SHC2: variants seen among roughly 807,000 people sequenced by gnomAD.
SHC2 encodes SHC-transforming protein 2.
Under a neutral mutation model 60.6 loss-of-function variants are expected in SHC2, and 62 were observed. The observed-to-expected ratio is 1.02, with a 90% CI of 0.83 to 1.26. The LOEUF is 1.26. Among genes scored for constraint, SHC2 ranks in the 50% most tolerant of loss-of-function variants. The pLI is 0.00. For missense variants in SHC2, 873 were observed against 822.2 expected (o/e 1.06, Z -0.76); for synonymous variants, 375 against 372.4 (o/e 1.01, Z -0.08).
intron 1 of SHC2, among the ~76,000 whole-genome samples, chr19:454,227 G>A (rs1342321045): frequency 1.3e-5 from 2 of 152,308 alleles, no homozygotes; most frequent in Middle Eastern, 3.4e-3. Flanking sequence ...TGTGACTCAC[G>A]GCAGCCACAC....
intron 1 of SHC2, among the ~76,000 whole-genome samples, chr19:457,830 C>T (rs571863684): frequency 2.6e-5 from 4 of 152,372 alleles, no homozygotes; most frequent in East Asian, 1.9e-4. Context: ...ACACGCCGGC[C>T]GTCGGCGTTA....
At chr19:426,279 T>C (rs1033472783) in intron 9 of SHC2, among the ~76,000 whole-genome samples, 1 of 152,100 alleles carries the variant, frequency 6.6e-6, no homozygotes, top group Non-Finnish European at 1.5e-5. Flanking sequence ...GGGGCACAGA[T>C]TCTCTCAGCT....
At chr19:430,547 T>G in intron 9 of SHC2, 137 bp downstream of exon 9, 1 of 661,682 alleles carries the variant, frequency 1.5e-6, no homozygotes, top group Admixed American at 3.0e-5. Flanking sequence ...CTCAGCAGAG[T>G]GTTAGGAGCA....
chr19:445,639 G>A lies in SHC2; in HGVS notation c.469-4707C>T, dbSNP rs567503583. On this transcript the variant is annotated intron_variant, in intron 1 of 12. Coordinates refer to ENST00000264554, the MANE Select transcript of SHC2 (RefSeq NM_012435.3). The surrounding 1 kb of genome is among the most constrained non-coding windows in gnomAD (Gnocchi z 4.4). ...TGTGGTCCCAGCTACTCAGGAGGCT[G>A]AGGTGGGAGGATGGCTTGAGCCCAG... Among the ~76,000 whole-genome samples the A allele has an allele frequency of 3.9e-5, 6 of 152,320 alleles. No homozygotes were observed. The East Asian group carries it at 5.8e-4, about 15-fold the overall frequency.
At chr19:443,302 GTGGATGAGTGGATGGGTGGA>G (rs1974954299) in intron 1 of SHC2, among the ~76,000 whole-genome samples, 1 of 140,184 alleles carries the variant, frequency 7.1e-6, no homozygotes, top group Non-Finnish European at 1.5e-5. Context: ...GGATGGGTGG[GTGGATGAGTGGATGGGTGGA>G]TGGATGGATG....
intron 1 of SHC2, among the ~76,000 whole-genome samples, chr19:450,131 G>A (rs1178898419): frequency 6.6e-6 from 1 of 152,148 alleles, no homozygotes; most frequent in African/African-American, 2.4e-5. Flanking sequence ...GAAATGTGGG[G>A]CCCTGTTGGC....
chr19:444,738 G>A (rs754309527), intron 1 of SHC2, among the ~76,000 whole-genome samples: 4 of 151,532 alleles, frequency 2.6e-5, no homozygotes, highest in Non-Finnish European at 5.9e-5. Context: ...CTGCGGACAC[G>A]CTGTGCACAG....
chr19:448,408 G>T (rs142032421), intron 1 of SHC2, among the ~76,000 whole-genome samples: 140 of 152,244 alleles, frequency 9.2e-4, no homozygotes, highest in African/African-American at 3.1e-3. Flanking sequence ...GCTTGTGGCC[G>T]TGTTACTCCA....
At chr19:427,592 A>G (rs543795784) in intron 9 of SHC2, among the ~76,000 whole-genome samples, 36 of 116,538 alleles carry the variant, frequency 3.1e-4, no homozygotes, top group African/African-American at 8.6e-4. Flanking sequence ...GGGGAACTGC[A>G]CACGGCGCAG....
Position 438,916 on chromosome 19 carries a change from C to A in SHC2, c.600+54G>T. 2 of 1,558,324 alleles carry A rather than the reference C, an allele frequency of 1.3e-6. No homozygotes were observed. Among genetic ancestry groups the A allele is most frequent in the African/African-American group, 1.4e-5 (1 of 73,508 alleles). ...GGCTCCCAGGATGGCCGCAGCGTCC[C>A]CACAGCCCCCGACTGCCCCACCAGC... On this transcript the variant is annotated intron_variant, in intron 3 of 12. Coordinates refer to ENST00000264554, the MANE Select transcript of SHC2 (RefSeq NM_012435.3). This position sits in a 1 kb window ranked among gnomAD's most constrained non-coding sequence, Gnocchi z 5.0.
chr19:435,914 A>G, intron 7 of SHC2: 1 of 472,242 alleles, frequency 2.1e-6, no homozygotes, highest in Non-Finnish European at 3.9e-6. Flanking sequence ...AGCAGGGCTG[A>G]CAGCCTCAGG....
intron 1 of SHC2, among the ~76,000 whole-genome samples, chr19:456,697 C>T (rs1436387400): frequency 6.6e-6 from 1 of 152,322 alleles, no homozygotes; most frequent in African/African-American, 2.4e-5. Context: ...GCCTTTGCAC[C>T]TGCTGTGCCC....
chr19:422,354 C>T lies in SHC2; in HGVS notation c.1412G>A (p.Arg471His), dbSNP rs774445756. 9.3e-6 allele frequency: 15 copies of T among 1,606,058 alleles called. No homozygotes were observed. The highest frequency in any genetic ancestry group is 8.0e-5 in the African/African-American group (6 of 74,778). The change falls in exon 11 of 13, where the codon CGC becomes CAC. Residue 471 changes from arginine (R) to histidine (H), a missense_variant. Physicochemically the swap from Arg to His is conservative, Grantham distance 29 (BLOSUM62 0). Transcript: ENST00000264554. The surrounding 1 kb of genome is among the most constrained non-coding windows in gnomAD (Gnocchi z 5.0). ...CTCCGTGGGGGCCACAGGGGCCCGG[C>T]GGGTAGGGGGGCTGGGCCACTGGTC... ...LEDQWPSPPT[R>H]RAPVAPTEEQ...
intron 1 of SHC2, among the ~76,000 whole-genome samples, chr19:442,859 A>T: frequency 1.0e-5 from 1 of 97,948 alleles, no homozygotes; most frequent in East Asian, 3.7e-4. Flanking sequence ...GGACGGATGG[A>T]TGGGTGGGTG....
In SHC2 at chr19:425,055, C is replaced by T. The variant is rs372390597; in HGVS notation, c.1309+42G>A. 70 of 1,346,936 alleles carry T rather than the reference C, an allele frequency of 5.2e-5. No homozygotes were observed. The highest frequency in any genetic ancestry group is 6.0e-5 in the Non-Finnish European group (62 of 1,039,872). 83.4% of individuals were successfully genotyped at this position (1,346,936 alleles called of 1,614,324 possible). ...GTTGTGCCTCCCCCATCAGACAACACGGCCACACGCGATGACGGCCGCCCC... is the reference window on the plus strand; with the variant it reads ...GTTGTGCCTCCCCCATCAGACAACATGGCCACACGCGATGACGGCCGCCCC... On this transcript the variant is annotated intron_variant, in intron 10 of 12. Coordinates refer to ENST00000264554, the MANE Select transcript of SHC2 (RefSeq NM_012435.3). This position sits in a 1 kb window ranked among gnomAD's most constrained non-coding sequence, Gnocchi z 4.1.
intron 1 of SHC2, among the ~76,000 whole-genome samples, chr19:455,845 C>T (rs1975329761): frequency 6.6e-6 from 1 of 152,120 alleles, no homozygotes; most frequent in African/African-American, 2.4e-5. Context: ...GACTCTCACC[C>T]CCTGCTGCGA....
chr19:452,646 G>A (rs112440904), intron 1 of SHC2, among the ~76,000 whole-genome samples: 5 of 152,258 alleles, frequency 3.3e-5, no homozygotes, highest in Non-Finnish European at 5.9e-5. Context: ...GCGTAGGTGG[G>A]TGTTACAGGT....
chr19:436,415 A>C lies in SHC2; in HGVS notation c.791T>G (p.Val264Gly), dbSNP rs1487400182. 2 of 1,597,470 alleles carry C rather than the reference A, an allele frequency of 1.3e-6. No homozygotes were observed. Among genetic ancestry groups the C allele is most frequent in the Non-Finnish European group, 1.7e-6 (2 of 1,170,436 alleles). The change falls in exon 6 of 13, where the codon GTG (valine) becomes GGG (glycine). Residue 264 changes from valine to glycine, a missense_variant. Coordinates refer to ENST00000264554, the MANE Select transcript of SHC2 (RefSeq NM_012435.3). ...GATGGGGTCCTTGGCGACGTAGGCC[A>C]CGTAATCCGTCATGTCCTGGGGGCG... is the stretch of plus-strand genomic sequence containing the variant. The part of the protein sequence containing the change: ...SGGDTDMTDY[V>G]AYVAKDPINQ...
chr19:427,513 TGC>T, intron 9 of SHC2, among the ~76,000 whole-genome samples: 3 of 127,832 alleles, frequency 2.3e-5, no homozygotes, highest in Non-Finnish European at 4.9e-5. Flanking sequence ...GAAGGGGAAT[TGC>T]GCACGGCACA....
Sources: allele counts gnomAD v4.1 joint callset (sites outside exome capture counted in the v4.1 genomes callset), GRCh38; gene constraint gnomAD v4.1.1; non-coding constraint Gnocchi (gnomAD v3.1); transcripts MANE v1.5; gene names NCBI Gene and HGNC (gene_info 2026-07-23, HGNC 2026-07-21).